ANGEL2: variants seen among roughly 807,000 people sequenced by gnomAD.
ANGEL2 encodes angel homolog 2, also known as RNA 2',3'-cyclic phosphatase ANGEL2.
Under a neutral mutation model 66.0 loss-of-function variants are expected in ANGEL2, and 41 were observed. That is an observed-to-expected ratio of 0.62 (90% confidence interval 0.48 to 0.81). ANGEL2 has a LOEUF of 0.81. Among genes scored for constraint, ANGEL2 ranks in the 30% least tolerant of loss-of-function variants. ANGEL2 has a pLI of 0.00. For synonymous variants in ANGEL2, 208 were observed against 226.5 expected (o/e 0.92, Z 0.73); for missense variants, 561 against 641.6 (o/e 0.87, Z 1.36).
intron 2 of ANGEL2, chr1:213,011,213 A>G: frequency 1.6e-6 from 2 of 1,289,382 alleles, no homozygotes; most frequent in Non-Finnish European, 2.0e-6. Flanking sequence ...TATACCTTCC[A>G]TATCAGGAGG....
rs2075923770 is a variant in ANGEL2, at chr1:212,993,857, G to A, written c.*1184C>T. Reference sequence around the variant, plus strand: ...GTTTTACAGGCTTCCTCATATTTCTGAGGCTTAACAAAAATAATTTTATAG... The same window carrying A: ...GTTTTACAGGCTTCCTCATATTTCTAAGGCTTAACAAAAATAATTTTATAG... On this transcript the variant is annotated 3_prime_UTR_variant, in exon 9 of 9. Coordinates refer to ENST00000366962, the MANE Select transcript of ANGEL2 (RefSeq NM_144567.5). 1 of 152,142 alleles carries A rather than the reference G, an allele frequency of 6.6e-6. No individual in the cohort carries two copies. Among genetic ancestry groups the A allele is most frequent in the Admixed American group, 6.5e-5 (1 of 15,272 alleles). The allele number at this position is 152,142 out of a possible 1,614,324, so 9.4% of individuals were successfully genotyped here.
chr1:213,013,913 TG>T (rs1308068159), intron 1 of ANGEL2, among the ~76,000 whole-genome samples: 1 of 152,184 alleles, frequency 6.6e-6, no homozygotes, highest in African/African-American at 2.4e-5. Flanking sequence ...TCCAAACACT[TG>T]TATAGTTAGG....
chr1:213,000,330 C>T lies in ANGEL2; in HGVS notation c.1315G>A (p.Glu439Lys), dbSNP rs755749871. Reference sequence around the variant, plus strand: ...CTTTTGCTTTCCAGAACTCACTTTTCAGCTGTCACTAGGACCTCTGTTTGC... The same window carrying T: ...CTTTTGCTTTCCAGAACTCACTTTTTAGCTGTCACTAGGACCTCTGTTTGC... ...LKQTEVLVTAEKLSSNLQHHF... is the reference protein window; with the variant it reads ...LKQTEVLVTAKKLSSNLQHHF... The change falls in exon 7 of 9, where the codon GAA (glutamate) becomes AAA (lysine). Residue 439 changes from glutamate to lysine, a missense_variant. Coordinates refer to ENST00000366962, the MANE Select transcript of ANGEL2 (RefSeq NM_144567.5). 2.5e-6 allele frequency: 4 copies of T among 1,613,476 alleles called. No homozygotes were observed. The highest frequency in any genetic ancestry group is 3.4e-6 in the Non-Finnish European group (4 of 1,179,416).
chr1:212,997,352 G>T, intron 7 of ANGEL2, 34 bp from the exon 8 acceptor site: 1 of 1,561,066 alleles, frequency 6.4e-7, no homozygotes, highest in Non-Finnish European at 8.8e-7. Flanking sequence ...TAGAATCCGA[G>T]TTTTTGTAAC....
Position 213,005,278 on chromosome 1 carries a change from G to A in ANGEL2, c.889C>T (p.Pro297Ser). ...GLVLLLQPKI[P>S]YAACPAICVA... The stretch of plus-strand genomic sequence containing the variant: ...CAGATTGCAGGGCAGGCAGCATATG[G>A]AATTTTGGGCTGTAAGAGTAAAACT... Residue 297 changes from proline (P) to serine (S), a missense_variant, in exon 5 of 9, where the codon CCA becomes TCA. Coordinates refer to ENST00000366962, the MANE Select transcript of ANGEL2 (RefSeq NM_144567.5). 10 of 1,614,224 alleles carry A rather than the reference G, an allele frequency of 6.2e-6. No individual in the cohort carries two copies. The highest frequency in any genetic ancestry group is 7.6e-6 in the Non-Finnish European group (9 of 1,180,050).
At position 213,005,097 on chromosome 1, in the gene ANGEL2, C is replaced by T. The variant is rs2076285335; in HGVS notation, c.1070G>A (p.Gly357Asp). ...CTTTATGAAACTATATAGTGGAGAACCAGGAACAGAATTAAAGTCACCACA... is the reference window on the plus strand; with the variant it reads ...CTTTATGAAACTATATAGTGGAGAATCAGGAACAGAATTAAAGTCACCACA... The part of the protein sequence containing the change: ...VMCGDFNSVP[G>D]SPLYSFIKEG... Residue 357 changes from glycine (G) to aspartate (D), a missense_variant, in exon 5 of 9, where the codon GGT (glycine) becomes GAT (aspartate). By Grantham distance (94) the Gly-to-Asp change is moderately conservative (BLOSUM62 -1). Transcript: ENST00000366962. 1.2e-6 allele frequency: 2 copies of T among 1,611,866 alleles called. No individual in the cohort carries two copies. The highest frequency in any genetic ancestry group is 2.2e-5 in the South Asian group (2 of 90,766).
Position 213,008,360 on chromosome 1 carries a change from C to T in ANGEL2, c.492G>A (p.Lys164=). Residue 164 remains lysine (K), a synonymous_variant, in exon 3 of 9, where the codon AAG becomes AAA. Coordinates refer to ENST00000366962, the MANE Select transcript of ANGEL2 (RefSeq NM_144567.5). The stretch of plus-strand genomic sequence containing the variant: ...TATAGGACATCACTGAAAAGTCAAA[C>T]TTGTTCTCACTGTCTTCACATTTGG... The part of the protein sequence containing the change: ...VDPKCEDSEN[K]FDFSVMSYNI... 2 of 1,614,206 alleles carry T rather than the reference C, an allele frequency of 1.2e-6. No individual in the cohort carries two copies. Among genetic ancestry groups the T allele is most frequent in the African/African-American group, 2.7e-5 (2 of 75,062 alleles).
At chr1:213,001,856 T>C (rs568584914) in intron 5 of ANGEL2, 3 of 153,016 alleles carry the variant, frequency 2.0e-5, no homozygotes, top group South Asian at 4.1e-4. Flanking sequence ...TATCATGAGA[T>C]TGAAACAATT....
At chr1:213,007,449 G>A (rs3010787) in intron 3 of ANGEL2, among the ~76,000 whole-genome samples, 39,617 of 151,880 alleles carry the variant, frequency 0.26, 5,992 homozygotes, top group Admixed American at 0.4. Context: ...TTTCCAAAAG[G>A]AAATATTCTT....
intron 8 of ANGEL2, among the ~76,000 whole-genome samples, chr1:212,995,922 C>T (rs1186311667): frequency 1.3e-5 from 2 of 152,214 alleles, no homozygotes. Flanking sequence ...CAGCTGCTCA[C>T]ATTCCAAAGT....
At position 212,995,034 on chromosome 1, in the gene ANGEL2, AAG is replaced by A. The variant is rs1367731516; in HGVS notation, c.*5_*6del. The A allele has an allele frequency of 1.3e-6, 2 of 1,597,312 alleles. No homozygotes were observed. The highest frequency in any genetic ancestry group is 1.3e-5 in the African/African-American group (1 of 74,160). On this transcript the variant is annotated 3_prime_UTR_variant, in exon 9 of 9. Coordinates refer to ENST00000366962, the MANE Select transcript of ANGEL2 (RefSeq NM_144567.5). ...TGGAAAGAAAATTAGTATGTGATCAAAGAGAGTCAGAGCTCAAGTCTGAACTT... is the reference window on the plus strand; with the variant it reads ...TGGAAAGAAAATTAGTATGTGATCAAAGAGTCAGAGCTCAAGTCTGAACTT...
In ANGEL2 at chr1:213,005,173, T is replaced by A; in HGVS notation, c.994A>T (p.Ile332Phe). The change falls in exon 5 of 9, where the codon ATT (isoleucine) becomes TTT (phenylalanine). Residue 332 changes from isoleucine (I) to phenylalanine (F), a missense_variant. Transcript: ENST00000366962. ...TCTTTCTGGTGGGCAACACTGGAAATCTCTGCCAGTAGCATTGCCAATTGC... is the reference window on the plus strand; with the variant it reads ...TCTTTCTGGTGGGCAACACTGGAAAACTCTGCCAGTAGCATTGCCAATTGC... ...LTQLAMLLAE[I>F]SSVAHQKDGS... 1 of 1,614,220 alleles carries A rather than the reference T, an allele frequency of 6.2e-7. No homozygotes were observed. The highest frequency in any genetic ancestry group is 1.1e-5 in the South Asian group (1 of 91,082).
At chr1:213,013,070 A>G in intron 2 of ANGEL2, 23 bp downstream of exon 2, 1 of 1,598,670 alleles carries the variant, frequency 6.3e-7, no homozygotes, top group Non-Finnish European at 8.5e-7. Context: ...CTATTTCTAC[A>G]CCAAGATAAA....
chr1:213,015,078 A>G, intron 1 of ANGEL2: 1 of 973,214 alleles, frequency 1.0e-6, no homozygotes, highest in Non-Finnish European at 1.2e-6. Context: ...TAAATAATAC[A>G]CGTGAAACAA....
At chr1:213,011,204 A>G (rs1475263744) in intron 2 of ANGEL2, 22 of 1,289,230 alleles carry the variant, frequency 1.7e-5, no homozygotes, top group Non-Finnish European at 2.0e-5. Context: ...AAAAGCTTAT[A>G]TACCTTCCAT....
intron 6 of ANGEL2, 40 bp from the exon 7 acceptor site, chr1:213,000,423 A>G (rs774378700): frequency 1.3e-6 from 2 of 1,559,866 alleles, no homozygotes; most frequent in Non-Finnish European, 1.8e-6. Flanking sequence ...TTATTGTTCT[A>G]GTTTGCCTTA....
Position 212,994,796 on chromosome 1 carries a change from T to G in ANGEL2, c.*245A>C, listed in dbSNP as rs1307043247. Reference sequence around the variant, plus strand: ...GTCAATTTTACTAGGATTTAGAATATAAAACCTTTACATCTCTTTTACAAT... The same window carrying G: ...GTCAATTTTACTAGGATTTAGAATAGAAAACCTTTACATCTCTTTTACAAT... On this transcript the variant is annotated 3_prime_UTR_variant, in exon 9 of 9. Transcript: ENST00000366962. The G allele has an allele frequency of 1.1e-5, 3 of 274,910 alleles. No individual in the cohort carries two copies. Among genetic ancestry groups the G allele is most frequent in the Non-Finnish European group, 2.0e-5 (3 of 150,136 alleles). The allele number at this position is 274,910 out of a possible 1,614,324, so 17.0% of individuals were successfully genotyped here. A position where few individuals can be genotyped will look rare whatever the true frequency, so the allele number is the denominator to read the frequency against.
intron 3 of ANGEL2, 51 bp downstream of exon 3, chr1:213,008,159 C>T (rs549825687): frequency 7.2e-5 from 114 of 1,574,558 alleles, no homozygotes; most frequent in South Asian, 2.6e-4. Context: ...CCAGTGTGCC[C>T]GGCCCCAACT....
chr1:212,996,606 G>A (rs1460027915), intron 8 of ANGEL2, among the ~76,000 whole-genome samples: 2 of 111,526 alleles, frequency 1.8e-5, no homozygotes, highest in Non-Finnish European at 1.7e-5. Flanking sequence ...CTGGGTAACA[G>A]AGCGAGACTC....
Sources: allele counts gnomAD v4.1 joint callset (sites outside exome capture counted in the v4.1 genomes callset), GRCh38; gene constraint gnomAD v4.1.1; transcripts MANE v1.5; gene names NCBI Gene and HGNC (gene_info 2026-07-23, HGNC 2026-07-21).